The following NEK11 variants were observed in gnomAD, a reference collection of about 807,000 sequenced individuals.
The protein encoded by NEK11 is serine/threonine-protein kinase Nek11.
In NEK11, 72 loss-of-function variants were observed where a neutral mutation model predicts 80.7. That is an observed-to-expected ratio of 0.89 (90% CI 0.74 to 1.08). NEK11 has a LOEUF of 1.08. NEK11 is among the 50% of genes least tolerant of loss of function. The probability of loss-of-function intolerance (pLI) is 0.00; values close to 1 mark genes in which losing one functional copy is unlikely to be tolerated. For synonymous variants in NEK11, 251 were observed against 260.7 expected (o/e 0.96, Z 0.36); for missense variants, 764 against 763.6 (o/e 1.00, Z -0.01).
At chr3:131,046,474 G>A (rs962534419) in intron 3 of NEK11, among the ~76,000 whole-genome samples, 1 of 152,086 alleles carries the variant, frequency 6.6e-6, no homozygotes, top group Non-Finnish European at 1.5e-5. Context: ...GAAATCTGCT[G>A]TTAATATGAT....
intron 16 of NEK11, among the ~76,000 whole-genome samples, chr3:131,270,666 A>C (rs533896127): frequency 6.6e-6 from 1 of 152,328 alleles, no homozygotes; most frequent in Non-Finnish European, 1.5e-5. Flanking sequence ...CTGAGCACCA[A>C]GCTTTGCCAA....
At chr3:131,329,203 A>C (rs140582864) in intron 17 of NEK11, 22 of 152,316 alleles carry the variant, frequency 1.4e-4, no homozygotes, top group Admixed American at 3.9e-4. Context: ...GAAATACTGA[A>C]AACTGTACTT....
intron 17 of NEK11, among the ~76,000 whole-genome samples, chr3:131,274,547 A>G (rs2096259320): frequency 6.7e-6 from 1 of 149,496 alleles, no homozygotes; most frequent in Non-Finnish European, 1.5e-5. Flanking sequence ...GACTTCCACA[A>G]TGGTTGAACT....
rs146032782 is a variant in NEK11 at position 131,300,047 on chromosome 3, T to C, written c.1718+26473T>C. Among the ~76,000 whole-genome samples the C allele has an allele frequency of 3.6e-3, 545 of 152,328 alleles. 3 individuals are homozygous for C. The highest frequency in any genetic ancestry group is 0.012 in the African/African-American group (503 of 41,578). Reference sequence around the variant, plus strand: ...GCATCATCTTCAGCATCTGTTATTTTCTGACTTTTTAATAATAGCCATTGT... The same window carrying C: ...GCATCATCTTCAGCATCTGTTATTTCCTGACTTTTTAATAATAGCCATTGT... On this transcript the variant is annotated intron_variant, in intron 17 of 17. Coordinates refer to ENST00000383366, the MANE Select transcript of NEK11 (RefSeq NM_024800.5).
chr3:131,205,814 C>A (rs895349047), intron 14 of NEK11, among the ~76,000 whole-genome samples: 1 of 152,136 alleles, frequency 6.6e-6, no homozygotes, highest in Non-Finnish European at 1.5e-5. Context: ...GAGTCTTTTT[C>A]TGGGGAATTC....
intron 14 of NEK11, chr3:131,174,875 G>A (rs1435888504): frequency 1.3e-6 from 2 of 1,536,788 alleles, no homozygotes; most frequent in Non-Finnish European, 1.7e-6. Flanking sequence ...CCATTCAGAT[G>A]TGGAGAATGC....
chr3:131,267,177 A>G (rs1023935038), intron 16 of NEK11, among the ~76,000 whole-genome samples: 2 of 152,204 alleles, frequency 1.3e-5, no homozygotes, highest in African/African-American at 4.8e-5. Flanking sequence ...TGGGGCATTT[A>G]GCCCATTGAC....
rs556671311 is a variant in NEK11, at chr3:131,108,389, G to C, written c.337-1414G>C. On this transcript the variant is annotated intron_variant, in intron 4 of 17. Transcript: ENST00000383366. Reference sequence around the variant, plus strand: ...TTTTGCTCCCCATGAATATGATAAGGACCTCTCCCACTCTTTATGGGGCCT... The same window carrying C: ...TTTTGCTCCCCATGAATATGATAAGCACCTCTCCCACTCTTTATGGGGCCT... 7.2e-5 allele frequency among the ~76,000 whole-genome samples: 11 copies of C among 152,010 alleles called. 1 individual carries two copies. The highest frequency in any genetic ancestry group is 2.7e-4 in the African/African-American group (11 of 41,462).
At chr3:131,147,821 T>A (rs1180800978) in intron 7 of NEK11, among the ~76,000 whole-genome samples, 1 of 152,018 alleles carries the variant, frequency 6.6e-6, no homozygotes, top group Non-Finnish European at 1.5e-5. Context: ...TCTTTACTAA[T>A]CTTTATAGAT....
chr3:131,245,326 T>TGTGTGTGA (rs2095583555), intron 16 of NEK11, among the ~76,000 whole-genome samples: 1 of 152,072 alleles, frequency 6.6e-6, no homozygotes, highest in African/African-American at 2.4e-5. Flanking sequence ...TGTGTGTGTG[T>TGTGTGTGA]GTACTGTTAT....
chr3:131,252,275 A>G (rs1429723140), intron 16 of NEK11, among the ~76,000 whole-genome samples: 1 of 152,128 alleles, frequency 6.6e-6, no homozygotes, highest in Non-Finnish European at 1.5e-5. Context: ...GCACTTTGGT[A>G]ATGCCCAGGT....
chr3:131,269,523 C>A (rs1006254388), intron 16 of NEK11, among the ~76,000 whole-genome samples: 5 of 152,138 alleles, frequency 3.3e-5, no homozygotes, highest in South Asian at 2.1e-4. Flanking sequence ...TAGGCGACGC[C>A]CCACCCTGCT....
chr3:131,333,895 A>ATCAATTCAACAAGAAAAG (rs2097137150), intron 17 of NEK11, among the ~76,000 whole-genome samples: 1 of 152,076 alleles, frequency 6.6e-6, no homozygotes, highest in African/African-American at 2.4e-5. Context: ...TGGTAAAGGG[A>ATCAATTCAACAAGAAAAG]TCAATTCAAC....
At chr3:131,048,421 A>T (rs868732271) in intron 3 of NEK11, among the ~76,000 whole-genome samples, 16 of 152,212 alleles carry the variant, frequency 1.1e-4, no homozygotes, top group African/African-American at 3.9e-4. Context: ...CCTGTGAGAC[A>T]AAGTCAGAAA....
chr3:131,101,283 G>A (rs1157070858), intron 4 of NEK11, among the ~76,000 whole-genome samples: 2 of 151,770 alleles, frequency 1.3e-5, no homozygotes, highest in African/African-American at 2.4e-5. Flanking sequence ...CTTTAGGGTT[G>A]GTTTGTTCTT....
At chr3:131,111,962 C>A (rs1346042108) in intron 5 of NEK11, among the ~76,000 whole-genome samples, 1 of 151,954 alleles carries the variant, frequency 6.6e-6, no homozygotes, top group Non-Finnish European at 1.5e-5. Context: ...TATGGAGTAC[C>A]TGGAATTATT....
chr3:131,038,005 A>G (rs1049977805), intron 3 of NEK11, among the ~76,000 whole-genome samples: 36 of 152,264 alleles, frequency 2.4e-4, no homozygotes, highest in African/African-American at 8.2e-4. Flanking sequence ...TTTGGAAGAA[A>G]CTAATGATTT....
chr3:131,115,964 T>TTC (rs766844838), intron 5 of NEK11, among the ~76,000 whole-genome samples: 11 of 145,260 alleles, frequency 7.6e-5, no homozygotes, highest in South Asian at 4.4e-4. Context: ...CTTTCTTTCT[T>TTC]TCTTTCTTTC....
intron 16 of NEK11, among the ~76,000 whole-genome samples, chr3:131,267,142 A>C (rs761724416): frequency 3.3e-5 from 5 of 152,174 alleles, no homozygotes; most frequent in Non-Finnish European, 5.9e-5. Flanking sequence ...CTCTCTATCC[A>C]ATTTGCTAGT....
Sources: allele counts gnomAD v4.1 joint callset (sites outside exome capture counted in the v4.1 genomes callset), GRCh38; gene constraint gnomAD v4.1.1; transcripts MANE v1.5; gene names NCBI Gene and HGNC (gene_info 2026-07-23, HGNC 2026-07-21).